FOCAD: variants seen among roughly 807,000 people sequenced by gnomAD.
FOCAD encodes KIAA1797.
In FOCAD, 198 loss-of-function variants were observed where a neutral mutation model predicts 225.6. That is an observed-to-expected ratio of 0.88 (90% CI 0.78 to 0.99). The LOEUF (loss-of-function observed/expected upper bound fraction) is 0.99, where lower values mean the gene tolerates loss of function less well. Among genes scored for constraint, FOCAD ranks in the 50% least tolerant of loss-of-function variants. The pLI, the probability that FOCAD is intolerant of heterozygous loss-of-function variation, is 0.00. For missense variants in FOCAD, 2,713 were observed against 2,123.6 expected (o/e 1.28, Z -5.46); for synonymous variants, 897 against 755.0 (o/e 1.19, Z -3.08).
At chr9:20,687,673 CAT>C (rs1252129494) in intron 1 of FOCAD, among the ~76,000 whole-genome samples, 1 of 152,152 alleles carries the variant, frequency 6.6e-6, no homozygotes, top group African/African-American at 2.4e-5. Context: ...TTTAAAGACT[CAT>C]AGTTATTAAA....
rs575673668 is a variant in FOCAD at position 20,961,221 on chromosome 9, C to G, written c.4132+8156C>G. Among the ~76,000 whole-genome samples, 16 of 151,894 alleles carry G rather than the reference C, an allele frequency of 1.1e-4. 1 individual carries two copies. The South Asian group carries it at 2.3e-3, about 22-fold the overall frequency. ...CTTCTCTTTCTCTCCCTCTCTCTCT[C>G]TGTGTTAGTGTAGACTCGTAAATTC... On this transcript the variant is annotated intron_variant, in intron 35 of 43. Transcript: ENST00000338382.
At chr9:20,700,935 G>T (rs186110778) in intron 1 of FOCAD, among the ~76,000 whole-genome samples, 6 of 152,212 alleles carry the variant, frequency 3.9e-5, no homozygotes, top group African/African-American at 1.4e-4. Flanking sequence ...AATGTCCAGG[G>T]TAATAATGCA....
intron 21 of FOCAD, among the ~76,000 whole-genome samples, chr9:20,894,467 TGGC>T (rs1156626414): frequency 2.0e-5 from 3 of 152,108 alleles, no homozygotes; most frequent in African/African-American, 4.8e-5. Context: ...TCTTCCAAAG[TGGC>T]TATACCATTT....
chr9:20,663,123 A>G (rs1243939566), intron 2 of FOCAD, among the ~76,000 whole-genome samples: 1 of 152,156 alleles, frequency 6.6e-6, no homozygotes, highest in Non-Finnish European at 1.5e-5. Flanking sequence ...TGATAGCTTC[A>G]TGCCTGTAAT....
In FOCAD at chr9:20,912,925, G is replaced by A. The variant is rs1022471532; in HGVS notation, c.2778G>A (p.Val926=). ...ATGGAAAAGAAGAACCTGAGGAGGTGCAGTACAAAAAAAGCACAGCCTGGC... is the reference window on the plus strand; with the variant it reads ...ATGGAAAAGAAGAACCTGAGGAGGTACAGTACAAAAAAAGCACAGCCTGGC... ...LKHGKEEPEE[V]QYKKSTAWLW... The change falls in exon 23 of 44, where the codon GTG becomes GTA. Residue 926 remains valine (V), a synonymous_variant. Coordinates refer to ENST00000338382, the MANE Select transcript of FOCAD (RefSeq NM_001375567.1). 3.1e-6 allele frequency: 5 copies of A among 1,613,186 alleles called. No homozygotes were observed. The South Asian group carries it at 3.3e-5, about 11-fold the overall frequency.
chr9:20,770,267 A>C, intron 8 of FOCAD, 29 bp downstream of exon 8: 1 of 1,559,724 alleles, frequency 6.4e-7, no homozygotes. Context: ...TATACTGTTC[A>C]TGCATTGCTA....
At chr9:20,761,907 G>C (rs890913784) in intron 6 of FOCAD, among the ~76,000 whole-genome samples, 7 of 152,012 alleles carry the variant, frequency 4.6e-5, no homozygotes, top group Admixed American at 2.6e-4. Context: ...CTAAGCCCTG[G>C]TAATGTCTTA....
At chr9:20,684,773 G>A (rs1822559500) in intron 1 of FOCAD, 1 of 152,402 alleles carries the variant, frequency 6.6e-6, no homozygotes, top group Admixed American at 6.5e-5. Flanking sequence ...CATTCCCGGT[G>A]ACTCACTCAG....
intron 2 of FOCAD, among the ~76,000 whole-genome samples, chr9:20,660,809 A>G (rs1295314263): frequency 6.6e-6 from 1 of 152,128 alleles, no homozygotes; most frequent in African/African-American, 2.4e-5. Flanking sequence ...TAGTGACTGG[A>G]GAAGTTAGAA....
chr9:20,942,330 G>T (rs1294349684), intron 28 of FOCAD, among the ~76,000 whole-genome samples: 2 of 152,168 alleles, frequency 1.3e-5, no homozygotes, highest in Non-Finnish European at 2.9e-5. Context: ...CAATCTAGGG[G>T]ATAGAGATAT....
intron 8 of FOCAD, among the ~76,000 whole-genome samples, chr9:20,778,175 T>G (rs1303001833): frequency 6.6e-6 from 1 of 151,728 alleles, no homozygotes; most frequent in African/African-American, 2.4e-5. Context: ...ATTATTTGGT[T>G]TATAGCATCT....
chr9:20,961,952 T>C lies in FOCAD; in HGVS notation c.4132+8887T>C, dbSNP rs1838771546. 2.0e-5 allele frequency among the ~76,000 whole-genome samples: 3 copies of C among 152,184 alleles called. No homozygotes were observed. In the South Asian group the frequency reaches 6.2e-4, roughly 32 times the overall value. ...TTAGTGTCTGTCTGATGTATCAGAATCATCAATTTATTTTAAAAACTGTCT... is the reference window on the plus strand; with the variant it reads ...TTAGTGTCTGTCTGATGTATCAGAACCATCAATTTATTTTAAAAACTGTCT... On this transcript the variant is annotated intron_variant, in intron 35 of 43. Coordinates refer to ENST00000338382, the MANE Select transcript of FOCAD (RefSeq NM_001375567.1).
chr9:20,845,578 G>C (rs1032549760), intron 15 of FOCAD, among the ~76,000 whole-genome samples: 4 of 151,520 alleles, frequency 2.6e-5, no homozygotes, highest in African/African-American at 4.8e-5. Context: ...CAGTGCTACA[G>C]TGATCAGCTT....
chr9:20,901,635 G>A (rs775698673), intron 21 of FOCAD, among the ~76,000 whole-genome samples: 2 of 151,788 alleles, frequency 1.3e-5, no homozygotes, highest in African/African-American at 2.4e-5. Context: ...GTCCCTTGTA[G>A]TAAAACATGT....
chr9:20,752,328 T>G (rs1828634898), intron 5 of FOCAD, among the ~76,000 whole-genome samples: 1 of 151,082 alleles, frequency 6.6e-6, no homozygotes, highest in Admixed American at 6.6e-5. Context: ...CTTGAATTGA[T>G]TTTTGTATAA....
intron 1 of FOCAD, among the ~76,000 whole-genome samples, chr9:20,701,335 A>T (rs566952014): frequency 1.3e-5 from 2 of 152,152 alleles, no homozygotes; most frequent in African/African-American, 2.4e-5. Flanking sequence ...TGCACACACA[A>T]ATTTCCCTGT....
intron 11 of FOCAD, among the ~76,000 whole-genome samples, chr9:20,796,114 T>C (rs1235137404): frequency 6.6e-6 from 1 of 152,150 alleles, no homozygotes; most frequent in African/African-American, 2.4e-5. Context: ...GGTTTCCAGC[T>C]TCATCCATGT....
At chr9:20,777,382 A>G (rs1818874127) in intron 8 of FOCAD, among the ~76,000 whole-genome samples, 1 of 150,010 alleles carries the variant, frequency 6.7e-6, no homozygotes, top group African/African-American at 2.5e-5. Flanking sequence ...TAAACTTCAG[A>G]ATAGTCATTT....
At chr9:20,721,238 A>C (rs1825744402) in intron 4 of FOCAD, among the ~76,000 whole-genome samples, 2 of 152,156 alleles carry the variant, frequency 1.3e-5, no homozygotes, top group South Asian at 4.1e-4. Flanking sequence ...ACTTCAAATC[A>C]TTTGGGCTTT....
Sources: gnomAD v4.1 joint callset for allele counts (sites outside exome capture counted in the v4.1 genomes callset) on GRCh38, gnomAD v4.1.1 for gene constraint, MANE v1.5 for transcripts, NCBI Gene and HGNC (gene_info 2026-07-23, HGNC 2026-07-21) for gene names.